Variants in TUSC3 observed in about 807,000 individuals in gnomAD.
TUSC3 encodes tumor suppressor candidate 3.
Under a neutral mutation model 44.8 loss-of-function variants are expected in TUSC3, and 45 were observed. The observed-to-expected ratio is 1.00, with a 90% CI of 0.79 to 1.29. The LOEUF is 1.29. TUSC3 is among the 50% of genes most tolerant of loss of function. The probability of loss-of-function intolerance (pLI) is 0.00; values close to 1 mark genes in which losing one functional copy is unlikely to be tolerated. For synonymous variants in TUSC3, 212 were observed against 152.9 expected (o/e 1.39, Z -2.85); for missense variants, 519 against 437.9 (o/e 1.19, Z -1.65).
intron 5 of TUSC3, among the ~76,000 whole-genome samples, chr8:15,664,101 G>T (rs1419107614): frequency 6.6e-6 from 1 of 151,584 alleles, no homozygotes; most frequent in African/African-American, 2.4e-5. Flanking sequence ...TTTCTTTGGG[G>T]TATGCTTCAT....
intron 8 of TUSC3, among the ~76,000 whole-genome samples, chr8:15,745,587 C>A (rs1466734275): frequency 6.6e-6 from 1 of 151,772 alleles, no homozygotes; most frequent in African/African-American, 2.4e-5. Flanking sequence ...TGTTTACTGG[C>A]CACTTGTCTG....
In TUSC3 at chr8:15,499,885, T is replaced by TAC. The variant is rs150887905; in HGVS notation, n.189+16414_189+16415dup. On this transcript the variant is annotated intron_variant and non_coding_transcript_variant, in intron 2 of 5. Coordinates refer to the TUSC3 transcript ENST00000503191. ...TCCTCATTTTACATACATACATACG[T>TAC]ACACACACACACATTCTGTATTCTG... Among the ~76,000 whole-genome samples, 1,446 of 152,116 alleles carry TAC rather than the reference T, an allele frequency of 9.5e-3. 13 individuals are homozygous for TAC. Among genetic ancestry groups the TAC allele is most frequent in the Non-Finnish European group, 0.016 (1,096 of 67,950 alleles).
downstream of TUSC3, among the ~76,000 whole-genome samples, chr8:15,767,017 G>A (rs1812350776): frequency 6.6e-6 from 1 of 152,010 alleles, no homozygotes; most frequent in African/African-American, 2.4e-5. Flanking sequence ...AGTAAAACAA[G>A]GTCTTCTTCA....
intron 9 of TUSC3, among the ~76,000 whole-genome samples, chr8:15,750,514 A>G (rs917963154): frequency 2.6e-5 from 4 of 151,808 alleles, no homozygotes; most frequent in Non-Finnish European, 5.9e-5. Context: ...TTAAGTTTGT[A>G]CTTCTTTTAG....
intron 2 of TUSC3, among the ~76,000 whole-genome samples, chr8:15,641,898 G>C (rs189529086): frequency 6.6e-6 from 1 of 152,262 alleles, no homozygotes; most frequent in Non-Finnish European, 1.5e-5. Context: ...AAAAAGAGAC[G>C]CAAGGAAACT....
chr8:15,511,837 C>T (rs1316842395), intron 2 of TUSC3, among the ~76,000 whole-genome samples: 3 of 151,506 alleles, frequency 2.0e-5, no homozygotes, highest in African/African-American at 7.3e-5. Flanking sequence ...CGCCACTGTA[C>T]TCCAGCCTGG....
chr8:15,700,869 C>CTTTTTTTTTTTTTTTTTTTT (rs1332141201), intron 6 of TUSC3, among the ~76,000 whole-genome samples: 61 of 60,286 alleles, frequency 1.0e-3, no homozygotes, highest in African/African-American at 2.5e-3. Context: ...TTTTTTTTTG[C>CTTTTTTTTTTTTTTTTTTTT]TTTGCCTGTT....
chr8:15,681,559 C>T (rs1585223921), intron 6 of TUSC3, among the ~76,000 whole-genome samples: 2 of 146,006 alleles, frequency 1.4e-5, no homozygotes, highest in East Asian at 2.0e-4. Context: ...GATCTTTTCT[C>T]TTTTTTTTTT....
the TUSC3 span, among the ~76,000 whole-genome samples, chr8:15,786,607 A>T: frequency 6.6e-6 from 1 of 152,116 alleles, no homozygotes; most frequent in Admixed American, 6.6e-5. Flanking sequence ...ACAAACACGC[A>T]TGCAGGTAGG....
At chr8:15,576,253 C>CTTT (rs534737121) in intron 1 of TUSC3, among the ~76,000 whole-genome samples, 10 of 118,616 alleles carry the variant, frequency 8.4e-5, no homozygotes, top group Middle Eastern at 5.1e-3. Context: ...CTTTTTCTTT[C>CTTT]TTTTTTTTTT....
chr8:15,573,168 T>TCTCTCTCTCTCTC (rs1563296867), intron 1 of TUSC3, among the ~76,000 whole-genome samples: 1 of 85,584 alleles, frequency 1.2e-5, no homozygotes, highest in African/African-American at 5.0e-5. Context: ...TTCTCTCTCT[T>TCTCTCTCTCTCTC]TCTCTCTCTC....
At chr8:15,421,408 C>G (rs1237720257) in intron 1 of TUSC3, among the ~76,000 whole-genome samples, 2 of 152,150 alleles carry the variant, frequency 1.3e-5, no homozygotes, top group Non-Finnish European at 1.5e-5. Context: ...CTGCAACACT[C>G]CTTCAGACAC....
At chr8:15,524,600 G>T (rs1409988415) in intron 2 of TUSC3, among the ~76,000 whole-genome samples, 1 of 152,092 alleles carries the variant, frequency 6.6e-6, no homozygotes, top group East Asian at 1.9e-4. Context: ...GAGCGTAATT[G>T]GTGCTTGGAT....
At chr8:15,703,615 G>T (rs1165093750) in intron 6 of TUSC3, among the ~76,000 whole-genome samples, 1 of 152,138 alleles carries the variant, frequency 6.6e-6, no homozygotes, top group Non-Finnish European at 1.5e-5. Context: ...TCTGCTTCTG[G>T]TGAGTGCCTC....
chr8:15,825,654 C>T, the TUSC3 span, among the ~76,000 whole-genome samples: 1 of 151,996 alleles, frequency 6.6e-6, no homozygotes, highest in East Asian at 1.9e-4. Flanking sequence ...AATTAAGGTC[C>T]ATTAGAGGAA....
At chr8:15,725,419 GTA>G (rs1022014209) in intron 6 of TUSC3, among the ~76,000 whole-genome samples, 3 of 152,154 alleles carry the variant, frequency 2.0e-5, no homozygotes, top group Non-Finnish European at 4.4e-5. Flanking sequence ...ATCAGGTTGG[GTA>G]TATAAGGGAC....
intron 6 of TUSC3, among the ~76,000 whole-genome samples, chr8:15,716,440 T>C (rs1224961934): frequency 6.6e-6 from 1 of 152,074 alleles, no homozygotes; most frequent in Non-Finnish European, 1.5e-5. Context: ...CAGTGTAACA[T>C]TTTTGAAATC....
chr8:15,518,537 T>C (rs1222044141), intron 2 of TUSC3, among the ~76,000 whole-genome samples: 1 of 152,180 alleles, frequency 6.6e-6, no homozygotes, highest in African/African-American at 2.4e-5. Context: ...GTTGGATTAG[T>C]GTCTCAAGTC....
intron 6 of TUSC3, among the ~76,000 whole-genome samples, chr8:15,712,998 A>G (rs1217638755): frequency 2.0e-5 from 3 of 152,142 alleles, no homozygotes; most frequent in Non-Finnish European, 2.9e-5. Context: ...GGATGTCCAC[A>G]GCATTTATAA....
Sources: gnomAD v4.1 joint callset for allele counts (sites outside exome capture counted in the v4.1 genomes callset) on GRCh38, gnomAD v4.1.1 for gene constraint, MANE v1.5 for transcripts, NCBI Gene and HGNC (gene_info 2026-07-23, HGNC 2026-07-21) for gene names.